Variants in SHANK2 observed in about 807,000 individuals in gnomAD.
SHANK2 encodes the protein SH3 and multiple ankyrin repeat domains protein 2.
SHANK2 carries 43 observed loss-of-function variants against 133.7 expected under a neutral mutation model. That is an observed-to-expected ratio of 0.32 (90% CI 0.25 to 0.41). SHANK2 has a LOEUF of 0.41. SHANK2 is among the 10% of genes least tolerant of loss of function. The probability of loss-of-function intolerance (pLI) is 1.00; values close to 1 mark genes in which losing one functional copy is unlikely to be tolerated. For synonymous variants in SHANK2, 1,017 were observed against 952.8 expected (o/e 1.07, Z -1.24); for missense variants, 1,994 against 2,235.8 (o/e 0.89, Z 2.18).
At chr11:70,636,284 TGTATGA>T (rs1373784228) in intron 17 of SHANK2, among the ~76,000 whole-genome samples, 2 of 152,300 alleles carry the variant, frequency 1.3e-5, no homozygotes, top group South Asian at 2.1e-4. Context: ...TGTGTGTACA[TGTATGA>T]GTATGTGTGT....
At position 70,882,325 on chromosome 11, in the gene SHANK2, G is replaced by A. The variant is rs540792032; in HGVS notation, c.1174+14176C>T. On this transcript the variant is annotated intron_variant, in intron 11 of 25. Transcript: ENST00000601538. The surrounding 1 kb of genome is among the most constrained non-coding windows in gnomAD (Gnocchi z 4.2). ...ACGGGAGAGGGGCCACTGCAGTGTG[G>A]AAGGCAGGCAGAAAGGCCCCTGGGC... 2.0e-5 allele frequency among the ~76,000 whole-genome samples: 3 copies of A among 152,330 alleles called. No homozygotes were observed. The highest frequency in any genetic ancestry group is 1.9e-4 in the East Asian group (1 of 5,178).
At chr11:70,775,034 C>T (rs966468009) in intron 14 of SHANK2, among the ~76,000 whole-genome samples, 7 of 152,110 alleles carry the variant, frequency 4.6e-5, no homozygotes, top group Non-Finnish European at 1.0e-4. Context: ...GTGATGCACA[C>T]CTATAATCCA....
chr11:70,701,371 C>A (rs187056232), intron 14 of SHANK2, among the ~76,000 whole-genome samples: 7 of 152,194 alleles, frequency 4.6e-5, no homozygotes, highest in Non-Finnish European at 8.8e-5. Context: ...ACAGTAAATT[C>A]CCCTCTGATA....
chr11:70,871,719 G>C (rs959233133), intron 11 of SHANK2, among the ~76,000 whole-genome samples: 1 of 152,188 alleles, frequency 6.6e-6, no homozygotes, highest in Non-Finnish European at 1.5e-5. Flanking sequence ...GTACTCAGGG[G>C]CCCTGCAGGG....
chr11:70,843,713 C>G (rs35596593), intron 11 of SHANK2, among the ~76,000 whole-genome samples: 5,533 of 151,994 alleles, frequency 0.036, 349 homozygotes, highest in African/African-American at 0.13. Context: ...ACATAGAGGC[C>G]TGCTGTTGAA....
chr11:70,912,157 C>T (rs1292400644), intron 10 of SHANK2, among the ~76,000 whole-genome samples: 1 of 149,128 alleles, frequency 6.7e-6, no homozygotes, highest in African/African-American at 2.5e-5. Flanking sequence ...GAGAAGTCAG[C>T]TTATGAAGGT....
intron 2 of SHANK2, among the ~76,000 whole-genome samples, chr11:71,215,753 C>T (rs553133958): frequency 1.3e-5 from 2 of 152,292 alleles, no homozygotes; most frequent in South Asian, 2.1e-4. Flanking sequence ...TCTGCAAACA[C>T]GATTATTTAG....
At chr11:70,592,910 G>A (rs147910661) in intron 17 of SHANK2, among the ~76,000 whole-genome samples, 252 of 152,268 alleles carry the variant, frequency 1.7e-3, no homozygotes, top group Middle Eastern at 3.4e-3. Context: ...CAGCCTCCTC[G>A]GCCCTGCCCC....
chr11:70,813,219 G>C (rs1461979242), intron 12 of SHANK2, among the ~76,000 whole-genome samples: 4 of 152,156 alleles, frequency 2.6e-5, no homozygotes, highest in Non-Finnish European at 5.9e-5. Flanking sequence ...GCCAGGACTT[G>C]AGGTCAGGGT....
intron 8 of SHANK2, among the ~76,000 whole-genome samples, chr11:71,085,524 T>TATATTATATTATATAAAATATATAAC (rs1302142855): frequency 3.7e-5 from 4 of 106,698 alleles, no homozygotes; most frequent in African/African-American, 7.3e-5. Flanking sequence ...ATATATGCTA[T>TATATTATATTATATAAAATATATAAC]ATATTATATT....
chr11:71,157,567 G>T (rs59894456), intron 2 of SHANK2, among the ~76,000 whole-genome samples: 1,829 of 152,250 alleles, frequency 0.012, 12 homozygotes, highest in Non-Finnish European at 0.019. Context: ...CTCAGCTTCT[G>T]CTAGAAAAGC....
Position 71,186,221 on chromosome 11 carries a change from T to C in SHANK2, c.-13+38476A>G, listed in dbSNP as rs561129869. Among the ~76,000 whole-genome samples the C allele has an allele frequency of 3.9e-5, 6 of 152,326 alleles. No homozygotes were observed. The South Asian group carries it at 1.2e-3, about 32-fold the overall frequency. On this transcript the variant is annotated intron_variant, in intron 2 of 25. Transcript: ENST00000601538. ...CATGGGAGAACTTCAGTCCTGCACGTCCCAGGCAAAACACAAGTCAACACC... is the reference window on the plus strand; with the variant it reads ...CATGGGAGAACTTCAGTCCTGCACGCCCCAGGCAAAACACAAGTCAACACC...
chr11:70,630,841 G>T (rs997819087), intron 17 of SHANK2, among the ~76,000 whole-genome samples: 3 of 152,190 alleles, frequency 2.0e-5, no homozygotes, highest in Non-Finnish European at 4.4e-5. Flanking sequence ...GCCCCAGCTG[G>T]TGGCTTTGAA....
rs1565401390 is a variant in SHANK2, at chr11:70,912,101, AAAAAAAAAAAAAAAG to A, written c.1108-15549_1108-15535del. Among the ~76,000 whole-genome samples the A allele has an allele frequency of 1.5e-4, 20 of 133,784 alleles. 1 individual carries two copies. Among genetic ancestry groups the A allele is most frequent in the African/African-American group, 5.3e-4 (16 of 30,372 alleles). 87.8% of individuals were successfully genotyped at this position (133,784 alleles called of 152,430 possible). A position where few individuals can be genotyped will look rare whatever the true frequency, so the allele number is the denominator to read the frequency against. Reference sequence around the variant, plus strand: ...TGTCAAAAAAAAAAAAAAAAAAAAAAAAAAAAAAAAAAAAGAAAGAAAGAAAGAAAGAAAAGAGAA... The same window carrying A: ...TGTCAAAAAAAAAAAAAAAAAAAAAAAAAGAAAGAAAGAAAGAAAAGAGAA... On this transcript the variant is annotated intron_variant, in intron 10 of 25. Transcript: ENST00000601538.
At chr11:70,932,376 A>G (rs1950515253) in intron 10 of SHANK2, among the ~76,000 whole-genome samples, 1 of 152,252 alleles carries the variant, frequency 6.6e-6, no homozygotes, top group Non-Finnish European at 1.5e-5. Flanking sequence ...AGGGGTCTTC[A>G]GACCCCCTCC....
At chr11:71,210,348 A>G (rs1954247525) in intron 2 of SHANK2, among the ~76,000 whole-genome samples, 1 of 149,650 alleles carries the variant, frequency 6.7e-6, no homozygotes, top group South Asian at 2.1e-4. Flanking sequence ...TCCCAGGTTC[A>G]TGCCATTCTC....
At chr11:70,930,437 C>A (rs1317033933) in intron 10 of SHANK2, among the ~76,000 whole-genome samples, 1 of 152,194 alleles carries the variant, frequency 6.6e-6, no homozygotes, top group African/African-American at 2.4e-5. Context: ...TGAGGCATAA[C>A]TGGGTCCAAG....
intron 17 of SHANK2, among the ~76,000 whole-genome samples, chr11:70,588,566 A>G (rs2060282517): frequency 6.6e-6 from 1 of 152,262 alleles, no homozygotes. Context: ...CCTTAAGCCA[A>G]AGCCTAATCT....
intron 17 of SHANK2, among the ~76,000 whole-genome samples, chr11:70,648,789 A>G (rs1373838813): frequency 1.3e-5 from 2 of 152,154 alleles, no homozygotes; most frequent in Non-Finnish European, 2.9e-5. Context: ...ACCCTTGTCC[A>G]AGACGGAAGT....
Sources: gnomAD v4.1 joint callset for allele counts (sites outside exome capture counted in the v4.1 genomes callset) on GRCh38, gnomAD v4.1.1 for gene constraint, Gnocchi (gnomAD v3.1) non-coding constraint, MANE v1.5 for transcripts, NCBI Gene and HGNC (gene_info 2026-07-23, HGNC 2026-07-21) for gene names.